RNF150: variants seen among roughly 807,000 people sequenced by gnomAD.
RNF150 encodes the protein ring finger protein 150.
RNF150 carries 24 observed loss-of-function variants against 39.3 expected under a neutral mutation model. The ratio of observed to expected loss-of-function variants is 0.61; its 90% confidence interval spans 0.44 to 0.86. The LOEUF (loss-of-function observed/expected upper bound fraction) is 0.86, where lower values mean the gene tolerates loss of function less well. Among genes scored for constraint, RNF150 ranks in the 40% least tolerant of loss-of-function variants. The pLI, the probability that RNF150 is intolerant of heterozygous loss-of-function variation, is 0.00. For synonymous variants in RNF150, 255 were observed against 227.3 expected, an observed-to-expected ratio of 1.12 and a Z score of -1.10; for missense variants, 502 against 587.8, an observed-to-expected ratio of 0.85 and a Z score of 1.51.
At chr4:140,958,735 G>A (rs558999497) in intron 2 of RNF150, among the ~76,000 whole-genome samples, 18 of 152,120 alleles carry the variant, frequency 1.2e-4, no homozygotes, top group Non-Finnish European at 2.4e-4. Context: ...CAGGCTACAC[G>A]GTGTAGAAGT....
intron 1 of RNF150, among the ~76,000 whole-genome samples, chr4:141,039,232 G>A (rs1180937104): frequency 1.3e-5 from 2 of 152,118 alleles, no homozygotes; most frequent in African/African-American, 2.4e-5. Context: ...AGTAGAGAAC[G>A]CAACATTCTA....
At chr4:140,944,927 T>C (rs147311346) in intron 4 of RNF150, 11 of 152,264 alleles carry the variant, frequency 7.2e-5, no homozygotes, top group Admixed American at 7.2e-4. Flanking sequence ...ATAATATCCA[T>C]TAGTGCAAAC....
chr4:141,038,047 G>T (rs968892780), intron 1 of RNF150, among the ~76,000 whole-genome samples: 2 of 152,116 alleles, frequency 1.3e-5, no homozygotes, highest in Non-Finnish European at 2.9e-5. Context: ...CAGAGAAGGG[G>T]GACCCCATTT....
At chr4:140,994,331 A>C (rs1258353988) in intron 1 of RNF150, among the ~76,000 whole-genome samples, 1 of 152,248 alleles carries the variant, frequency 6.6e-6, no homozygotes, top group East Asian at 1.9e-4. Flanking sequence ...AAAGGATATG[A>C]CAGAAGGGGT....
intron 1 of RNF150, among the ~76,000 whole-genome samples, chr4:140,987,376 G>T (rs975583210): frequency 6.6e-6 from 1 of 151,948 alleles, no homozygotes; most frequent in Admixed American, 6.6e-5. Flanking sequence ...ATACTACAAG[G>T]TTACAGTACC....
At position 141,104,622 on chromosome 4, in the gene RNF150, C is replaced by G. The variant is rs1412935171; in HGVS notation, c.484+27703G>C. The stretch of plus-strand genomic sequence containing the variant: ...CAACAAATGATACACTGAATAACAA[C>G]AGCAATTGATGATTCTATTCAATGT... On this transcript the variant is annotated intron_variant, in intron 1 of 6. Coordinates refer to ENST00000515673, the MANE Select transcript of RNF150 (RefSeq NM_020724.2). Among the ~76,000 whole-genome samples the G allele has an allele frequency of 2.0e-5, 3 of 152,174 alleles. No homozygotes were observed. In the South Asian group the frequency reaches 6.2e-4, roughly 31 times the overall value.
At chr4:141,095,515 C>G (rs532767339) in intron 1 of RNF150, among the ~76,000 whole-genome samples, 1 of 152,042 alleles carries the variant, frequency 6.6e-6, no homozygotes, top group Non-Finnish European at 1.5e-5. Flanking sequence ...ATCCTACATG[C>G]GTCAAAATGA....
chr4:141,105,269 CA>C (rs1333872926), intron 1 of RNF150, among the ~76,000 whole-genome samples: 3 of 152,050 alleles, frequency 2.0e-5, no homozygotes, highest in Non-Finnish European at 2.9e-5. Flanking sequence ...TTTTCCCTTT[CA>C]AAAATCTACA....
chr4:141,131,436 A>T (rs977127484), intron 1 of RNF150, among the ~76,000 whole-genome samples: 8 of 152,174 alleles, frequency 5.3e-5, no homozygotes, highest in African/African-American at 1.9e-4. Context: ...TGGCTTATGG[A>T]CTTATGTTAA....
chr4:141,078,808 A>AT (rs1738023888), intron 1 of RNF150, among the ~76,000 whole-genome samples: 1 of 79,742 alleles, frequency 1.3e-5, no homozygotes, highest in African/African-American at 4.4e-5. Flanking sequence ...AAAAAAAAAA[A>AT]ATATATATAT....
intron 1 of RNF150, among the ~76,000 whole-genome samples, chr4:141,190,595 G>T (rs1728093496): frequency 6.6e-6 from 1 of 152,178 alleles, no homozygotes; most frequent in Non-Finnish European, 1.5e-5. Context: ...GAAACGCCTT[G>T]CTTGCAGGCC....
At chr4:141,091,396 A>G (rs1005245783) in intron 1 of RNF150, among the ~76,000 whole-genome samples, 3 of 152,238 alleles carry the variant, frequency 2.0e-5, no homozygotes, top group African/African-American at 7.2e-5. Flanking sequence ...TCAAATGACA[A>G]CATGATATTT....
intron 1 of RNF150, among the ~76,000 whole-genome samples, chr4:141,070,695 C>G (rs1737660269): frequency 8.0e-6 from 1 of 124,456 alleles, no homozygotes; most frequent in African/African-American, 2.6e-5. Context: ...CCATCTCACA[C>G]CAGCTAGAAT....
intron 4 of RNF150, among the ~76,000 whole-genome samples, chr4:140,943,855 GA>G (rs1393837859): frequency 6.6e-6 from 1 of 151,566 alleles, no homozygotes; most frequent in Non-Finnish European, 1.5e-5. Flanking sequence ...AAAAATCAAA[GA>G]AAAAAAACAG....
rs117576391 is a variant in RNF150, at chr4:141,153,651, G to C, written c.-6+59143C>G. Among the ~76,000 whole-genome samples the C allele has an allele frequency of 6.6e-5, 10 of 152,314 alleles. No homozygotes were observed. In the East Asian group the frequency reaches 1.9e-3, roughly 29 times the overall value. ...TCAGATGAGCATTCACCTATCCAAA[G>C]AGAAAGAGGATAGTGAGTGGGTAGA... On this transcript the variant is annotated intron_variant, in intron 1 of 7. Transcript: ENST00000420921.
intron 1 of RNF150, among the ~76,000 whole-genome samples, chr4:141,059,562 T>C (rs1003142988): frequency 3.3e-5 from 5 of 152,152 alleles, no homozygotes; most frequent in African/African-American, 9.6e-5. Flanking sequence ...ATTCTCTATT[T>C]TTTTTGCAGT....
At chr4:140,947,851 G>A (rs938893973) in intron 3 of RNF150, 115 bp from the exon 4 acceptor site, 3 of 617,970 alleles carry the variant, frequency 4.9e-6, no homozygotes, top group Non-Finnish European at 8.3e-6. Flanking sequence ...CTGTGCTGGT[G>A]CCAGTTTTTA....
At chr4:141,097,804 C>A (rs569196730) in intron 1 of RNF150, among the ~76,000 whole-genome samples, 11 of 151,522 alleles carry the variant, frequency 7.3e-5, no homozygotes, top group South Asian at 6.3e-4. Flanking sequence ...CTATTTTTTA[C>A]GGTAGTTTTT....
At chr4:140,911,493 TTCTA>T in intron 5 of RNF150, 139 bp from the exon 6 acceptor site, 1 of 661,494 alleles carries the variant, frequency 1.5e-6, no homozygotes, top group Non-Finnish European at 2.5e-6. Flanking sequence ...TTTAAAAACA[TTCTA>T]TATATAGTTT....
Sources: gnomAD v4.1 joint callset for allele counts (sites outside exome capture counted in the v4.1 genomes callset) on GRCh38, gnomAD v4.1.1 for gene constraint, MANE v1.5 for transcripts, NCBI Gene and HGNC (gene_info 2026-07-23, HGNC 2026-07-21) for gene names.